ZNF385D: variants seen among roughly 807,000 people sequenced by gnomAD.
ZNF385D encodes zinc finger protein 659.
In ZNF385D, 15 loss-of-function variants were observed where a neutral mutation model predicts 35.8. That is an observed-to-expected ratio of 0.42 (90% CI 0.28 to 0.64). The LOEUF is 0.64. ZNF385D is among the 30% of genes least tolerant of loss of function. The pLI is 0.23. For missense variants in ZNF385D, 474 were observed against 494.6 expected (o/e 0.96, Z 0.39); for synonymous variants, 212 against 186.8 (o/e 1.13, Z -1.10).
At chr3:22,074,620 T>C (rs544880894) in intron 3 of ZNF385D, among the ~76,000 whole-genome samples, 155 of 152,080 alleles carry the variant, frequency 1.0e-3, no homozygotes, top group South Asian at 5.8e-3. Flanking sequence ...ATAGTTTGTT[T>C]AATTCCACAA....
intron 2 of ZNF385D, among the ~76,000 whole-genome samples, chr3:22,290,304 G>GACCAC (rs1192985608): frequency 2.6e-5 from 4 of 152,106 alleles, no homozygotes; most frequent in Non-Finnish European, 5.9e-5. Flanking sequence ...GCTCTCCTCA[G>GACCAC]ACCACACCAC....
intron 3 of ZNF385D, among the ~76,000 whole-genome samples, chr3:22,117,176 A>G (rs971261958): frequency 6.6e-6 from 1 of 152,054 alleles, no homozygotes; most frequent in Admixed American, 6.6e-5. Flanking sequence ...AAATCCAGCA[A>G]TATGGAGCTT....
intron 3 of ZNF385D, among the ~76,000 whole-genome samples, chr3:21,885,455 G>A (rs879313224): frequency 3.3e-5 from 5 of 151,784 alleles, no homozygotes; most frequent in Admixed American, 6.6e-5. Context: ...ACAAGTTTAC[G>A]TAGATTTTAT....
chr3:21,993,032 G>A (rs901056042), intron 3 of ZNF385D, among the ~76,000 whole-genome samples: 2 of 152,136 alleles, frequency 1.3e-5, no homozygotes, highest in African/African-American at 4.8e-5. Context: ...TCATTTAACT[G>A]CATCCTTGCC....
At chr3:21,962,056 G>T (rs1039416212) in intron 3 of ZNF385D, among the ~76,000 whole-genome samples, 9 of 152,172 alleles carry the variant, frequency 5.9e-5, no homozygotes, top group South Asian at 2.1e-4. Flanking sequence ...GTAAAGCAAG[G>T]GTATTACCTG....
intron 4 of ZNF385D, among the ~76,000 whole-genome samples, chr3:21,468,166 A>C (rs1703636524): frequency 1.3e-5 from 2 of 152,080 alleles, no homozygotes; most frequent in African/African-American, 2.4e-5. Context: ...ACACTCTGGG[A>C]GGCTGAGGCG....
At chr3:21,479,097 A>G (rs979567805) in intron 4 of ZNF385D, among the ~76,000 whole-genome samples, 1 of 151,850 alleles carries the variant, frequency 6.6e-6, no homozygotes, top group Non-Finnish European at 1.5e-5. Context: ...ATAAAAACAT[A>G]AAGTATAAAG....
rs1255302125 is a variant in ZNF385D at position 22,110,283 on chromosome 3, A to G, written c.325+58534T>C. On this transcript the variant is annotated intron_variant, in intron 3 of 5. Coordinates refer to the ZNF385D transcript ENST00000494108. ...TACCATTTGACCCAGCCATCCCATT[A>G]CTGGGTATATACCCAAAGGATTATA... Among the ~76,000 whole-genome samples the G allele has an allele frequency of 3.9e-5, 6 of 152,080 alleles. No homozygotes were observed. In the South Asian group the frequency reaches 1.3e-3, roughly 32 times the overall value.
At chr3:21,438,333 A>G (rs1701677610) in intron 4 of ZNF385D, among the ~76,000 whole-genome samples, 1 of 152,120 alleles carries the variant, frequency 6.6e-6, no homozygotes, top group Non-Finnish European at 1.5e-5. Context: ...ATATACTGCT[A>G]TGGTCACTAT....
At chr3:22,359,970 T>C (rs960795435) in intron 2 of ZNF385D, among the ~76,000 whole-genome samples, 1 of 151,926 alleles carries the variant, frequency 6.6e-6, no homozygotes, top group African/African-American at 2.4e-5. Context: ...AACGTATGTA[T>C]GGAGCCACTT....
intron 1 of ZNF385D, among the ~76,000 whole-genome samples, chr3:21,747,117 A>T (rs1278362125): frequency 6.7e-6 from 1 of 149,996 alleles, no homozygotes; most frequent in Non-Finnish European, 1.5e-5. Flanking sequence ...TATTATAGGC[A>T]TGCCACCAAA....
intron 2 of ZNF385D, among the ~76,000 whole-genome samples, chr3:22,310,276 T>C (rs932056062): frequency 1.3e-5 from 2 of 151,944 alleles, no homozygotes; most frequent in African/African-American, 4.8e-5. Flanking sequence ...TTACTACAGG[T>C]AAGATAAAAC....
chr3:22,173,646 T>G (rs1449310257), intron 2 of ZNF385D, among the ~76,000 whole-genome samples: 1 of 152,152 alleles, frequency 6.6e-6, no homozygotes, highest in Non-Finnish European at 1.5e-5. Flanking sequence ...ATTATGTGAT[T>G]TGAAGAATGA....
At chr3:21,607,619 C>T (rs2064523793) in intron 2 of ZNF385D, among the ~76,000 whole-genome samples, 1 of 152,102 alleles carries the variant, frequency 6.6e-6, no homozygotes, top group Non-Finnish European at 1.5e-5. Flanking sequence ...GAGACCTCAC[C>T]AGTGTCTCTC....
At chr3:22,145,711 G>C (rs1025909038) in intron 3 of ZNF385D, among the ~76,000 whole-genome samples, 2 of 152,148 alleles carry the variant, frequency 1.3e-5, no homozygotes, top group South Asian at 2.1e-4. Flanking sequence ...TCAGTACATT[G>C]ATAAGAATAA....
intron 3 of ZNF385D, among the ~76,000 whole-genome samples, chr3:22,110,975 C>A (rs966969230): frequency 2.6e-5 from 4 of 151,772 alleles, no homozygotes; most frequent in African/African-American, 9.7e-5. Flanking sequence ...TGTCTGAAGA[C>A]TTTTGTGCTG....
chr3:22,218,413 TATA>T (rs1416577427), intron 2 of ZNF385D, among the ~76,000 whole-genome samples: 1 of 151,990 alleles, frequency 6.6e-6, no homozygotes, highest in Non-Finnish European at 1.5e-5. Flanking sequence ...CATCATAAAT[TATA>T]ATAATTTATT....
At chr3:21,570,892 AC>A (rs1382438999) in intron 2 of ZNF385D, among the ~76,000 whole-genome samples, 1 of 152,178 alleles carries the variant, frequency 6.6e-6, no homozygotes, top group Non-Finnish European at 1.5e-5. Context: ...ATTGACTTTG[AC>A]TTAGTAAAAT....
At chr3:22,304,593 C>G (rs1297069531) in intron 2 of ZNF385D, among the ~76,000 whole-genome samples, 1 of 151,984 alleles carries the variant, frequency 6.6e-6, no homozygotes, top group Non-Finnish European at 1.5e-5. Flanking sequence ...ATCATGCTTC[C>G]CACTTTTTCC....
Sources: gnomAD v4.1 joint callset for allele counts (sites outside exome capture counted in the v4.1 genomes callset) on GRCh38, gnomAD v4.1.1 for gene constraint, MANE v1.5 for transcripts, NCBI Gene and HGNC (gene_info 2026-07-23, HGNC 2026-07-21) for gene names.